PITPNC1: variants seen among roughly 807,000 people sequenced by gnomAD.
PITPNC1 encodes phosphatidylinositol transfer protein cytoplasmic 1.
PITPNC1 carries 18 observed loss-of-function variants against 44.7 expected under a neutral mutation model. The ratio of observed to expected loss-of-function variants is 0.40; its 90% CI spans 0.28 to 0.60. PITPNC1 has a LOEUF of 0.60. Ranked by LOEUF, PITPNC1 falls within the 20% of genes least tolerant of loss-of-function variation. The probability of loss-of-function intolerance (pLI) is 0.39; values close to 1 mark genes in which losing one functional copy is unlikely to be tolerated. For missense variants in PITPNC1, 290 were observed against 418.4 expected (o/e 0.69, Z 2.68); for synonymous variants, 141 against 149.6 (o/e 0.94, Z 0.42).
chr17:67,387,959 A>G (rs1031452836), intron 1 of PITPNC1, among the ~76,000 whole-genome samples: 13 of 152,132 alleles, frequency 8.5e-5, no homozygotes, highest in African/African-American at 3.1e-4. Flanking sequence ...GTGCTCAAGG[A>G]CCATGTGTGG....
At chr17:67,565,005 T>G (rs1418619971) in intron 4 of PITPNC1, among the ~76,000 whole-genome samples, 1 of 152,172 alleles carries the variant, frequency 6.6e-6, no homozygotes, top group Non-Finnish European at 1.5e-5. Flanking sequence ...GATATACTAG[T>G]TTTTCAATGT....
At chr17:67,572,801 G>A (rs1348026392) in intron 4 of PITPNC1, among the ~76,000 whole-genome samples, 2 of 46,672 alleles carry the variant, frequency 4.3e-5, no homozygotes, top group Non-Finnish European at 7.1e-5. Flanking sequence ...AGGGAAGGGG[G>A]AGTGGACCTA....
chr17:67,625,600 C>A (rs1356639417), intron 5 of PITPNC1, among the ~76,000 whole-genome samples: 4 of 152,182 alleles, frequency 2.6e-5, no homozygotes, highest in African/African-American at 9.7e-5. Context: ...AAGAACATTT[C>A]ACCTTGTCCC....
intron 6 of PITPNC1, among the ~76,000 whole-genome samples, chr17:67,649,883 G>T (rs2042190701): frequency 6.6e-6 from 1 of 152,176 alleles, no homozygotes; most frequent in South Asian, 2.1e-4. Context: ...AAATGGGAGA[G>T]AGGCATCAGG....
Position 67,439,239 on chromosome 17 carries a change from T to G in PITPNC1, c.48+61037T>G, listed in dbSNP as rs561643408. Among the ~76,000 whole-genome samples, 18 of 152,348 alleles carry G rather than the reference T, an allele frequency of 1.2e-4. No homozygotes were observed. The East Asian group carries it at 3.5e-3, about 29-fold the overall frequency. ...ATTGATGAGCCTCCTAATGTTGATTTTATTTTATTTTACCAAGCACTGTAT... is the reference window on the plus strand; with the variant it reads ...ATTGATGAGCCTCCTAATGTTGATTGTATTTTATTTTACCAAGCACTGTAT... On this transcript the variant is annotated intron_variant, in intron 1 of 8. Transcript: ENST00000581322.
chr17:67,645,116 G>A (rs200813935), intron 6 of PITPNC1, among the ~76,000 whole-genome samples: 5 of 152,070 alleles, frequency 3.3e-5, no homozygotes, highest in East Asian at 1.9e-4. Flanking sequence ...CGAGGCAGGC[G>A]GATCACCTGA....
chr17:67,619,344 T>C (rs567177478), intron 5 of PITPNC1, among the ~76,000 whole-genome samples: 2 of 152,254 alleles, frequency 1.3e-5, no homozygotes, highest in African/African-American at 4.8e-5. Context: ...GAGAGAAATA[T>C]TATTCAGTGA....
At chr17:67,619,420 C>G (rs1195176739) in intron 5 of PITPNC1, among the ~76,000 whole-genome samples, 1 of 152,160 alleles carries the variant, frequency 6.6e-6, no homozygotes, top group African/African-American at 2.4e-5. Flanking sequence ...TTAATCGGCT[C>G]CCTCAAGGTG....
chr17:67,601,096 G>A (rs1381351061), intron 5 of PITPNC1, among the ~76,000 whole-genome samples: 1 of 152,084 alleles, frequency 6.6e-6, no homozygotes, highest in Admixed American at 6.6e-5. Context: ...TGGGTGGTGG[G>A]ATTTCACCCC....
rs558852687 is a variant in PITPNC1 at position 67,635,853 on chromosome 17, G to A, written c.462+3615G>A. Among the ~76,000 whole-genome samples the A allele has an allele frequency of 3.9e-5, 6 of 152,324 alleles. No homozygotes were observed. The South Asian group carries it at 8.3e-4, about 21-fold the overall frequency. Reference sequence around the variant, plus strand: ...CTGTCCGCTGGAGCAGTTCTCAACTGGGGGTGATTATTGCCTCACGAGGAT... The same window carrying A: ...CTGTCCGCTGGAGCAGTTCTCAACTAGGGGTGATTATTGCCTCACGAGGAT... On this transcript the variant is annotated intron_variant, in intron 6 of 8. Transcript: ENST00000581322.
intron 1 of PITPNC1, among the ~76,000 whole-genome samples, chr17:67,528,270 G>C (rs929129324): frequency 3.3e-5 from 5 of 152,162 alleles, no homozygotes; most frequent in South Asian, 2.1e-4. Context: ...TTGAACCCCT[G>C]ACCTCAGGTG....
At chr17:67,428,842 T>G (rs1315843556) in intron 1 of PITPNC1, among the ~76,000 whole-genome samples, 1 of 144,748 alleles carries the variant, frequency 6.9e-6, no homozygotes, top group African/African-American at 2.5e-5. Flanking sequence ...TGTCTTGCTT[T>G]TTTTTTTTTT....
At chr17:67,505,882 C>G (rs2040095086) in intron 1 of PITPNC1, among the ~76,000 whole-genome samples, 1 of 152,206 alleles carries the variant, frequency 6.6e-6, no homozygotes, top group South Asian at 2.1e-4. Context: ...GAGTAACTCT[C>G]TTTTCCCTCG....
At chr17:67,555,224 C>A (rs975402169) in intron 4 of PITPNC1, among the ~76,000 whole-genome samples, 2 of 152,086 alleles carry the variant, frequency 1.3e-5, no homozygotes, top group Non-Finnish European at 2.9e-5. Flanking sequence ...GAGATGTTAG[C>A]GGAAGGATTC....
intron 5 of PITPNC1, among the ~76,000 whole-genome samples, chr17:67,621,374 AT>A (rs2041828302): frequency 6.6e-6 from 1 of 151,686 alleles, no homozygotes; most frequent in Admixed American, 6.6e-5. Context: ...CACCTGGCTA[AT>A]TTTTGTATTT....
At chr17:67,456,262 C>G (rs1384425304) in intron 1 of PITPNC1, among the ~76,000 whole-genome samples, 1 of 152,082 alleles carries the variant, frequency 6.6e-6, no homozygotes, top group African/African-American at 2.4e-5. Context: ...TACATGTTTT[C>G]TAATGTCTCT....
At chr17:67,436,792 C>G (rs906971456) in intron 1 of PITPNC1, among the ~76,000 whole-genome samples, 5 of 151,290 alleles carry the variant, frequency 3.3e-5, no homozygotes, top group Non-Finnish European at 4.4e-5. Context: ...TTCTGGAAAG[C>G]TGGGTCATCT....
chr17:67,523,806 C>CCTTTTTTTTTTTTTTT lies in PITPNC1; in HGVS notation c.49-8996_49-8995insCTTTTTTTTTTTTTTT, dbSNP rs1281830078. Among the ~76,000 whole-genome samples, 2 of 127,632 alleles carry CCTTTTTTTTTTTTTTT rather than the reference C, an allele frequency of 1.6e-5. 1 individual carries two copies. The allele number at this position is 127,632 out of a possible 152,430, so 83.7% of individuals were successfully genotyped here. A position where few individuals can be genotyped will look rare whatever the true frequency, so the allele number is the denominator to read the frequency against. ...CACCAGCTCAGAAATACATGGAAAC[C>CCTTTTTTTTTTTTTTT]GTTTTTTTTTTTTTTTTTTTTTTTA... On this transcript the variant is annotated intron_variant, in intron 1 of 8. Coordinates refer to ENST00000581322, the MANE Select transcript of PITPNC1 (RefSeq NM_012417.4).
chr17:67,647,110 A>C (rs1451057395), intron 6 of PITPNC1, among the ~76,000 whole-genome samples: 1 of 152,132 alleles, frequency 6.6e-6, no homozygotes, highest in Non-Finnish European at 1.5e-5. Flanking sequence ...TATGTAGAAA[A>C]AGAAGGGCCT....
Sources: gnomAD v4.1 joint callset for allele counts (sites outside exome capture counted in the v4.1 genomes callset) on GRCh38, gnomAD v4.1.1 for gene constraint, MANE v1.5 for transcripts, NCBI Gene and HGNC (gene_info 2026-07-23, HGNC 2026-07-21) for gene names.